Variants in CHIC2 observed in about 807,000 individuals in gnomAD.
The protein encoded by CHIC2 is cysteine-rich hydrophobic domain-containing protein 2.
Under a neutral mutation model 25.9 loss-of-function variants are expected in CHIC2, and 14 were observed. The observed-to-expected ratio is 0.54, with a 90% CI of 0.36 to 0.85. The LOEUF (loss-of-function observed/expected upper bound fraction) is 0.85. Among genes scored for constraint, CHIC2 ranks in the 40% least tolerant of loss-of-function variants. CHIC2 has a pLI of 0.01. For missense variants in CHIC2, 146 were observed against 202.0 expected (o/e 0.72, Z 1.68); for synonymous variants, 70 against 72.0 (o/e 0.97, Z 0.14).
intron 3 of CHIC2, among the ~76,000 whole-genome samples, chr4:54,038,244 T>A (rs1241579366): frequency 6.6e-6 from 1 of 152,198 alleles, no homozygotes; most frequent in Non-Finnish European, 1.5e-5. Flanking sequence ...ACAAAAAAGT[T>A]CCTGGAATTT....
chr4:54,018,540 T>C lies in CHIC2; in HGVS notation c.331-4421A>G, dbSNP rs142590170. ...TTCCCAATGACTCATTTAATCACAA[T>C]CAATTGTTTGAAAACATGGTTTTAC... is the stretch of plus-strand genomic sequence containing the variant. On this transcript the variant is annotated intron_variant, in intron 3 of 5. Transcript: ENST00000263921. Among the ~76,000 whole-genome samples, 142 of 152,158 alleles carry C rather than the reference T, an allele frequency of 9.3e-4. 1 individual carries two copies. Among genetic ancestry groups the C allele is most frequent in the Admixed American group, 5.5e-3 (84 of 15,288 alleles).
chr4:54,055,774 G>T (rs1320461678), intron 1 of CHIC2, among the ~76,000 whole-genome samples: 1 of 152,090 alleles, frequency 6.6e-6, no homozygotes, highest in Non-Finnish European at 1.5e-5. Context: ...AAAATTAACA[G>T]GCTTTGATGC....
At chr4:54,015,313 T>C (rs1306409345) in intron 3 of CHIC2, among the ~76,000 whole-genome samples, 1 of 152,114 alleles carries the variant, frequency 6.6e-6, no homozygotes, top group Admixed American at 6.5e-5. Context: ...TTTATTACAT[T>C]ACTTTTTCTG....
upstream of CHIC2, among the ~76,000 whole-genome samples, chr4:54,069,404 G>A (rs116458525): frequency 3.5e-3 from 537 of 152,294 alleles, 3 homozygotes; most frequent in African/African-American, 0.012. Flanking sequence ...AAGGGTCTTG[G>A]GTGCAGGAGC....
At chr4:54,032,471 T>C (rs7691237) in intron 3 of CHIC2, among the ~76,000 whole-genome samples, 3 of 152,060 alleles carry the variant, frequency 2.0e-5, no homozygotes, top group Non-Finnish European at 4.4e-5. Context: ...TTTCGCTGTG[T>C]TGGCCGGGCC....
the CHIC2 span, among the ~76,000 whole-genome samples, chr4:54,072,507 G>A: frequency 2.6e-5 from 4 of 152,030 alleles, no homozygotes; most frequent in African/African-American, 9.7e-5. Context: ...GCATCACACG[G>A]TACTTCCTTC....
At chr4:54,080,848 A>C in the CHIC2 span, among the ~76,000 whole-genome samples, 1 of 150,504 alleles carries the variant, frequency 6.6e-6, no homozygotes, top group East Asian at 2.0e-4. Context: ...CTGTGAGAGT[A>C]GATCTTAAGT....
intron 1 of CHIC2, chr4:54,060,193 A>T (rs1717289281): frequency 6.6e-6 from 1 of 150,424 alleles, no homozygotes; most frequent in Non-Finnish European, 1.5e-5. Flanking sequence ...TCTCTTATTC[A>T]AAAGTCATAT....
chr4:54,061,339 T>C (rs1577989961), intron 1 of CHIC2: 1 of 151,998 alleles, frequency 6.6e-6, no homozygotes, highest in South Asian at 2.1e-4. Flanking sequence ...CTGTAATATA[T>C]TAAAGTAGAA....
intron 3 of CHIC2, among the ~76,000 whole-genome samples, chr4:54,022,002 A>G (rs962843097): frequency 2.0e-5 from 3 of 152,140 alleles, no homozygotes; most frequent in African/African-American, 7.2e-5. Context: ...CTACATTGCC[A>G]GCACACAAGA....
chr4:54,019,989 G>A (rs1388110795), intron 3 of CHIC2, among the ~76,000 whole-genome samples: 1 of 152,042 alleles, frequency 6.6e-6, no homozygotes, highest in African/African-American at 2.4e-5. Context: ...ATAAGACAAA[G>A]GAATTTCACT....
chr4:54,048,889 AC>A, intron 3 of CHIC2, 65 bp downstream of exon 3: 1 of 1,306,720 alleles, frequency 7.7e-7, no homozygotes, highest in East Asian at 2.6e-5. Flanking sequence ...AAAAATAAAA[AC>A]TAGATAAATG....
At chr4:54,050,626 C>T (rs1716977717) in intron 1 of CHIC2, among the ~76,000 whole-genome samples, 1 of 152,090 alleles carries the variant, frequency 6.6e-6, no homozygotes, top group African/African-American at 2.4e-5. Context: ...TGTATTTTTA[C>T]TGTACCTTTT....
rs544563124 is a variant in CHIC2, at chr4:54,044,825, C to CA, written c.330+4129dup. Among the ~76,000 whole-genome samples, 410 of 151,964 alleles carry CA rather than the reference C, an allele frequency of 2.7e-3. 1 individual carries two copies. Among genetic ancestry groups the CA allele is most frequent in the African/African-American group, 9.6e-3 (399 of 41,396 alleles). ...AGCAGAACTGAAGGAAATAGAGACA[C>CA]AAAAAACCCTTCAAAAAAATCAATG... is the stretch of plus-strand genomic sequence containing the variant. On this transcript the variant is annotated intron_variant, in intron 3 of 5. Coordinates refer to ENST00000263921, the MANE Select transcript of CHIC2 (RefSeq NM_012110.4).
rs567795482 is a variant in CHIC2 at position 54,047,312 on chromosome 4, G to A, written c.330+1643C>T. On this transcript the variant is annotated intron_variant, in intron 3 of 5. Coordinates refer to ENST00000263921, the MANE Select transcript of CHIC2 (RefSeq NM_012110.4). ...TCCCATTACTGGGTATATACCCAAAGGATTATAAATCATGCTGCTATAAAG... is the reference window on the plus strand; with the variant it reads ...TCCCATTACTGGGTATATACCCAAAAGATTATAAATCATGCTGCTATAAAG... 9.9e-4 allele frequency among the ~76,000 whole-genome samples: 150 copies of A among 152,174 alleles called. 1 individual carries two copies. The highest frequency in any genetic ancestry group is 5.4e-3 in the Admixed American group (83 of 15,290).
intron 3 of CHIC2, among the ~76,000 whole-genome samples, chr4:54,044,724 C>A (rs1413786891): frequency 6.6e-6 from 1 of 152,030 alleles, no homozygotes; most frequent in Non-Finnish European, 1.5e-5. Context: ...ACCCTAACAT[C>A]ACAATTAAAA....
At chr4:54,022,401 AC>A (rs1715929524) in intron 3 of CHIC2, among the ~76,000 whole-genome samples, 1 of 151,976 alleles carries the variant, frequency 6.6e-6, no homozygotes, top group Non-Finnish European at 1.5e-5. Flanking sequence ...ACTCCACATT[AC>A]CTTATTTTCA....
chr4:54,060,562 TATA>T (rs1717300820), intron 1 of CHIC2: 1 of 152,140 alleles, frequency 6.6e-6, no homozygotes, highest in Non-Finnish European at 1.5e-5. Flanking sequence ...TAATGTCTGT[TATA>T]ATGACAGATT....
chr4:54,043,427 A>T, intron 3 of CHIC2, among the ~76,000 whole-genome samples: 1 of 151,668 alleles, frequency 6.6e-6, no homozygotes, highest in African/African-American at 2.4e-5. Flanking sequence ...TTTCAAAAAA[A>T]AAAAAAAAAA....
Sources: allele counts gnomAD v4.1 joint callset (sites outside exome capture counted in the v4.1 genomes callset), GRCh38; gene constraint gnomAD v4.1.1; transcripts MANE v1.5; gene names NCBI Gene and HGNC (gene_info 2026-07-23, HGNC 2026-07-21).